Variants in RNF212 observed in about 807,000 individuals in gnomAD.
RNF212 encodes the protein probable E3 SUMO-protein ligase RNF212.
Under a neutral mutation model 34.7 loss-of-function variants are expected in RNF212, and 33 were observed. That is an observed-to-expected ratio of 0.95 (90% CI 0.72 to 1.27). The LOEUF is 1.27. RNF212 is among the 50% of genes most tolerant of loss of function. RNF212 has a pLI of 0.00. For missense variants in RNF212, 377 were observed against 362.2 expected (o/e 1.04, Z -0.33); for synonymous variants, 140 against 136.1 (o/e 1.03, Z -0.20).
chr4:1,097,166 C>T lies in RNF212; in HGVS notation c.172-327G>A, dbSNP rs556899628. On this transcript the variant is annotated intron_variant, in intron 2 of 9. Coordinates refer to ENST00000433731, the MANE Select transcript of RNF212 (RefSeq NM_001131034.4). ...TGAATGAAGGCCTCCAGCCCAGCCT[C>T]CTCCTTTAGTATGGAGACATACTAA... Among the ~76,000 whole-genome samples the T allele has an allele frequency of 2.0e-5, 3 of 152,318 alleles. No homozygotes were observed. In the East Asian group the frequency reaches 5.8e-4, roughly 29 times the overall value.
chr4:1,065,618 C>T (rs1239985737), intron 3 of RNF212, among the ~76,000 whole-genome samples: 1 of 152,068 alleles, frequency 6.6e-6, no homozygotes, highest in East Asian at 1.9e-4. Flanking sequence ...CAGGTTTACG[C>T]CACCAGCCTG....
At chr4:1,069,472 G>A (rs1718303634), downstream of RNF212, among the ~76,000 whole-genome samples, 1 of 152,194 alleles carries the variant, frequency 6.6e-6, no homozygotes, top group Non-Finnish European at 1.5e-5. Context: ...GGGACATAGT[G>A]GCTGCAGTGA....
At chr4:1,099,809 C>T in intron 2 of RNF212, 1 of 456,218 alleles carries the variant, frequency 2.2e-6, no homozygotes, top group Non-Finnish European at 4.4e-6. Context: ...CAATCGAGTC[C>T]ACAAGGTCCG....
intron 8 of RNF212, among the ~76,000 whole-genome samples, chr4:1,074,990 A>T (rs2014318): frequency 6.6e-6 from 1 of 152,100 alleles, no homozygotes; most frequent in Admixed American, 6.5e-5. Flanking sequence ...TTCGAACTAC[A>T]TTCCATTTGC....
downstream of RNF212, among the ~76,000 whole-genome samples, chr4:1,069,601 C>T (rs1179773245): frequency 6.6e-6 from 1 of 152,178 alleles, no homozygotes; most frequent in African/African-American, 2.4e-5. Flanking sequence ...GAAGAGGAAT[C>T]AATCAGGTGA....
intron 8 of RNF212, among the ~76,000 whole-genome samples, chr4:1,078,227 G>A (rs1719656761): frequency 6.6e-6 from 1 of 152,218 alleles, no homozygotes. Context: ...GTGGAACACA[G>A]GCATTCACCG....
Position 1,085,882 on chromosome 4 carries a change from G to C in RNF212, c.362+14C>G, listed in dbSNP as rs769141219. ...TGCCTCGACTGCGCACTCACGGGGG[G>C]TGGGGCGCCTTACCTTTGTAGTTGT... On this transcript the variant is annotated intron_variant, in intron 5 of 9. Coordinates refer to ENST00000433731, the MANE Select transcript of RNF212 (RefSeq NM_001131034.4). 2.5e-6 allele frequency: 4 copies of C among 1,600,238 alleles called. No homozygotes were observed. The highest frequency in any genetic ancestry group is 1.7e-5 in the Admixed American group (1 of 60,008).
chr4:1,110,445 C>T (rs1725484255), intron 1 of RNF212, among the ~76,000 whole-genome samples: 1 of 152,078 alleles, frequency 6.6e-6, no homozygotes, highest in Admixed American at 6.5e-5. Context: ...GCAGCCTAGC[C>T]ACTCCACCCC....
intron 2 of RNF212, among the ~76,000 whole-genome samples, chr4:1,108,051 C>T (rs1382321817): frequency 6.6e-6 from 1 of 152,206 alleles, no homozygotes; most frequent in Admixed American, 6.5e-5. Context: ...AACTCTATCA[C>T]CCTCTTAAGG....
chr4:1,108,874 A>AT (rs35950344), intron 1 of RNF212, among the ~76,000 whole-genome samples: 2 of 151,932 alleles, frequency 1.3e-5, no homozygotes, highest in Non-Finnish European at 2.9e-5. Context: ...TAATTTTTAA[A>AT]TTTTTTTGTA....
chr4:1,082,841 C>T (rs952802290), intron 5 of RNF212, among the ~76,000 whole-genome samples: 2 of 152,210 alleles, frequency 1.3e-5, no homozygotes, highest in African/African-American at 4.8e-5. Context: ...AGTACCTGAG[C>T]CTTCTGCGTC....
intron 9 of RNF212, 70 bp downstream of exon 9, chr4:1,073,529 C>T (rs934179137): frequency 6.2e-5 from 74 of 1,187,996 alleles, no homozygotes; most frequent in Non-Finnish European, 9.1e-5. Context: ...TTTGATTAAA[C>T]ATGACCTTTC....
chr4:1,101,717 A>T (rs1296027439), intron 2 of RNF212, among the ~76,000 whole-genome samples: 1 of 152,246 alleles, frequency 6.6e-6, no homozygotes, highest in Admixed American at 6.5e-5. Context: ...ATAGGGAAAC[A>T]AAAATACACA....
chr4:1,077,755 A>C (rs1254412377), intron 8 of RNF212, among the ~76,000 whole-genome samples: 1 of 152,182 alleles, frequency 6.6e-6, no homozygotes, highest in Non-Finnish European at 1.5e-5. Flanking sequence ...ACAGGGACCC[A>C]GGGGAGGGCT....
At chr4:1,060,792 A>G (rs1717697977) in intron 3 of RNF212, among the ~76,000 whole-genome samples, 1 of 152,208 alleles carries the variant, frequency 6.6e-6, no homozygotes, top group South Asian at 2.1e-4. Flanking sequence ...CCCTGCTGAC[A>G]GGTCAGACAG....
intron 2 of RNF212, chr4:1,100,940 G>C (rs1408909591): frequency 5.8e-6 from 1 of 173,734 alleles, no homozygotes; most frequent in Non-Finnish European, 1.3e-5. Context: ...TGTTATAGCT[G>C]TTCAGATGGA....
intron 5 of RNF212, 154 bp from the exon 6 acceptor site, chr4:1,081,773 C>T (rs764212168): frequency 1.2e-4 from 74 of 631,364 alleles, no homozygotes; most frequent in South Asian, 8.9e-4. Context: ...GTTCCCATAG[C>T]GTCCTGTGAG....
chr4:1,101,774 C>T (rs187586767), intron 2 of RNF212, among the ~76,000 whole-genome samples: 9 of 152,250 alleles, frequency 5.9e-5, no homozygotes, highest in East Asian at 1.9e-4. Flanking sequence ...TCCTTCTCAG[C>T]GCAAAAATAT....
intron 5 of RNF212, among the ~76,000 whole-genome samples, chr4:1,083,593 G>A (rs1259634988): frequency 6.6e-6 from 1 of 152,136 alleles, no homozygotes; most frequent in Non-Finnish European, 1.5e-5. Flanking sequence ...AGCTGAGATC[G>A]TGCCACTGTA....
Sources: allele counts gnomAD v4.1 joint callset (sites outside exome capture counted in the v4.1 genomes callset), GRCh38; gene constraint gnomAD v4.1.1; transcripts MANE v1.5; gene names NCBI Gene and HGNC (gene_info 2026-07-23, HGNC 2026-07-21).